Variants in HMCN1 observed in about 807,000 individuals in gnomAD.
HMCN1 encodes the protein hemicentin 1.
Under a neutral mutation model 625.9 loss-of-function variants are expected in HMCN1, and 321 were observed. The observed-to-expected ratio is 0.51, with a 90% CI of 0.47 to 0.56. The LOEUF is 0.56. Ranked by LOEUF, HMCN1 falls within the 20% of genes least tolerant of loss-of-function variation. HMCN1 has a pLI of 0.00. For synonymous variants in HMCN1, 2,425 were observed against 2,417.6 expected (o/e 1.00, Z -0.09); for missense variants, 6,588 against 6,887.3 (o/e 0.96, Z 1.54).
chr1:185,871,886 G>A (rs1051962542), intron 4 of HMCN1, among the ~76,000 whole-genome samples: 1 of 152,084 alleles, frequency 6.6e-6, no homozygotes, highest in African/African-American at 2.4e-5. Flanking sequence ...TGAAAATTGG[G>A]GTTTTGGACA....
chr1:185,973,891 T>TAACCAAACC (rs1651011673), intron 15 of HMCN1, among the ~76,000 whole-genome samples: 1 of 152,118 alleles, frequency 6.6e-6, no homozygotes, highest in Non-Finnish European at 1.5e-5. Flanking sequence ...TGCGGTTTGG[T>TAACCAAACC]GGAACCAAAA....
chr1:185,991,679 T>TTA (rs1652434448), intron 22 of HMCN1, among the ~76,000 whole-genome samples: 1 of 152,120 alleles, frequency 6.6e-6, no homozygotes, highest in East Asian at 1.9e-4. Flanking sequence ...ATTCCTTTAT[T>TTA]TATGGACATT....
At chr1:186,001,898 C>T (rs559051248) in intron 28 of HMCN1, among the ~76,000 whole-genome samples, 157 bp downstream of exon 28, 1 of 152,064 alleles carries the variant, frequency 6.6e-6, no homozygotes, top group East Asian at 1.9e-4. Flanking sequence ...TAACCAGAAC[C>T]ATATGATATA....
chr1:185,793,549 G>A (rs536245469), intron 1 of HMCN1, among the ~76,000 whole-genome samples: 131 of 152,156 alleles, frequency 8.6e-4, no homozygotes, highest in Non-Finnish European at 1.5e-3. Flanking sequence ...CATATTCATA[G>A]GTTCTAGGGG....
intron 55 of HMCN1, among the ~76,000 whole-genome samples, chr1:186,080,705 C>T (rs1191200443): frequency 6.6e-6 from 1 of 152,116 alleles, no homozygotes; most frequent in Non-Finnish European, 1.5e-5. Context: ...GATGCTGATA[C>T]CACTGGTGCT....
chr1:186,000,048 C>T lies in HMCN1; in HGVS notation c.3878C>T (p.Thr1293Ile), dbSNP rs748452888. Reference protein sequence around the residue: ...RIEFPCPAKGTPKPTIKWLHN... With the variant: ...RIEFPCPAKGIPKPTIKWLHN... ...AAGACTTTAATTTCTTATTTAGGTA[C>T]CCCTAAACCAACCATCAAATGGTTA... The change falls in exon 26 of 107, where the codon ACC becomes ATC. Residue 1293 changes from threonine (T) to isoleucine (I), a missense_variant. Around this residue, in one of 3 missense-constraint regions of HMCN1, gnomAD observed 4,628 missense variants for 4,853.1 expected, o/e 0.95. Transcript: ENST00000271588. The T allele has an allele frequency of 1.2e-5, 19 of 1,603,342 alleles. No individual in the cohort carries two copies. The highest frequency in any genetic ancestry group is 1.4e-5 in the Non-Finnish European group (16 of 1,171,148).
rs763445148 is a variant in HMCN1 at position 186,041,076 on chromosome 1, A to G, written c.6244A>G (p.Thr2082Ala). 1.2e-6 allele frequency: 2 copies of G among 1,612,464 alleles called. No individual in the cohort carries two copies. The highest frequency in any genetic ancestry group is 2.2e-5 in the East Asian group (1 of 44,806). ...ACAAATCAGCGACACAGGAAGGTACACCTGCGTGGCAGTGAATGCTGCTGG... is the reference window on the plus strand; with the variant it reads ...ACAAATCAGCGACACAGGAAGGTACGCCTGCGTGGCAGTGAATGCTGCTGG... ...SAQISDTGRY[T>A]CVAVNAAGEK... Residue 2082 changes from threonine to alanine, a missense_variant, in exon 40 of 107, where the codon ACC (threonine) becomes GCC (alanine). This residue lies in a region of HMCN1 where 4,628 missense variants were observed against 4,853.1 expected (regional missense o/e 0.95). Transcript: ENST00000271588.
At position 185,865,984 on chromosome 1, in the gene HMCN1, G is replaced by A. The variant is rs953065145; in HGVS notation, c.621+121G>A. On this transcript the variant is annotated intron_variant, in intron 4 of 106. Coordinates refer to ENST00000271588, the MANE Select transcript of HMCN1 (RefSeq NM_031935.3). ...TTTAACCAAAAGGTATAACTCCAAG[G>A]CCACAGTTCAATAAAGGCATTGAAT... is the stretch of plus-strand genomic sequence containing the variant. The A allele has an allele frequency of 8.2e-5, 74 of 897,330 alleles. No individual in the cohort carries two copies. The South Asian group carries it at 8.7e-4, about 11-fold the overall frequency. The allele number at this position is 897,330 out of a possible 1,614,324, so 55.6% of individuals were successfully genotyped here.
rs542926765 is a variant in HMCN1, at chr1:186,168,022, A to C, written c.15574+1080A>C. Among the ~76,000 whole-genome samples the C allele has an allele frequency of 5.9e-5, 9 of 152,186 alleles. No homozygotes were observed. The South Asian group carries it at 1.9e-3, about 32-fold the overall frequency. ...CATGGTACATCTACACCCATGAACC[A>C]TTGTGCATCCATGAGAAAAATCCAG... On this transcript the variant is annotated intron_variant, in intron 100 of 106. Coordinates refer to ENST00000271588, the MANE Select transcript of HMCN1 (RefSeq NM_031935.3).
At chr1:186,107,375 T>G (rs775198386) in intron 70 of HMCN1, among the ~76,000 whole-genome samples, 4 of 152,210 alleles carry the variant, frequency 2.6e-5, no homozygotes, top group South Asian at 4.1e-4. Context: ...GCATTAATAA[T>G]TTGTATTCAT....
At chr1:186,048,644 T>A (rs1274867898) in intron 41 of HMCN1, 99 bp from the exon 42 acceptor site, 2 of 764,240 alleles carry the variant, frequency 2.6e-6, no homozygotes, top group Non-Finnish European at 4.6e-6. Context: ...TGTATGTGAA[T>A]CTTCAGAATA....
chr1:185,974,824 G>C (rs1392017646), intron 15 of HMCN1, among the ~76,000 whole-genome samples: 2 of 152,146 alleles, frequency 1.3e-5, no homozygotes, highest in Non-Finnish European at 2.9e-5. Flanking sequence ...GCATAATGCT[G>C]TTCTCAAAGC....
At chr1:185,814,025 A>T (rs923911178) in intron 1 of HMCN1, among the ~76,000 whole-genome samples, 1 of 152,194 alleles carries the variant, frequency 6.6e-6, no homozygotes, top group Non-Finnish European at 1.5e-5. Context: ...TTTAGCTTAC[A>T]TATCCCTTCT....
intron 1 of HMCN1, among the ~76,000 whole-genome samples, chr1:185,768,264 A>T (rs1436400445): frequency 6.6e-6 from 1 of 152,174 alleles, no homozygotes; most frequent in African/African-American, 2.4e-5. Context: ...ACATTTAATG[A>T]ATATTTTCAT....
At position 185,826,357 on chromosome 1, in the gene HMCN1, T is replaced by C. The variant is rs1660510499; in HGVS notation, c.269-19669T>C. 2.0e-5 allele frequency among the ~76,000 whole-genome samples: 3 copies of C among 152,148 alleles called. No homozygotes were observed. In the South Asian group the frequency reaches 6.2e-4, roughly 32 times the overall value. On this transcript the variant is annotated intron_variant, in intron 1 of 106. Transcript: ENST00000271588. ...AAAACAGAAATTTAAACAACCATAT[T>C]TGGTGATGCTAAAAGACTGCTAAAC... is the stretch of plus-strand genomic sequence containing the variant.
At chr1:186,161,908 CT>C (rs1450376725) in intron 97 of HMCN1, among the ~76,000 whole-genome samples, 1 of 152,106 alleles carries the variant, frequency 6.6e-6, no homozygotes, top group Admixed American at 6.5e-5. Context: ...TGGAGTTGCT[CT>C]TCTCAAGGAG....
chr1:185,843,299 T>C (rs1661601305), intron 1 of HMCN1, among the ~76,000 whole-genome samples: 1 of 152,152 alleles, frequency 6.6e-6, no homozygotes, highest in Non-Finnish European at 1.5e-5. Context: ...AAATCAGGCC[T>C]TATAGACTGA....
chr1:186,123,284 C>T, intron 81 of HMCN1, 64 bp downstream of exon 81: 1 of 1,557,620 alleles, frequency 6.4e-7, no homozygotes, highest in Non-Finnish European at 8.7e-7. Flanking sequence ...AAAAGGCTAC[C>T]AAGAGCAAAT....
chr1:186,106,088 T>G (rs1398478710), intron 69 of HMCN1, among the ~76,000 whole-genome samples: 1 of 152,218 alleles, frequency 6.6e-6, no homozygotes, highest in East Asian at 1.9e-4. Context: ...AAAGTCAGTT[T>G]GAATGTAAGA....
Sources: allele counts gnomAD v4.1 joint callset (sites outside exome capture counted in the v4.1 genomes callset), GRCh38; gene constraint gnomAD v4.1.1; regional missense constraint gnomAD v4.1.1; transcripts MANE v1.5; gene names NCBI Gene and HGNC (gene_info 2026-07-23, HGNC 2026-07-21).